The following MFHAS1 variants were observed in gnomAD, a reference collection of about 807,000 sequenced individuals.
MFHAS1 encodes multifunctional ROCO family signaling regulator 1.
MFHAS1 carries 50 observed loss-of-function variants against 70.4 expected under a neutral mutation model. That is an observed-to-expected ratio of 0.71 (90% CI 0.57 to 0.90). The LOEUF (loss-of-function observed/expected upper bound fraction) is 0.90, where lower values mean the gene tolerates loss of function less well. Among genes scored for constraint, MFHAS1 ranks in the 40% least tolerant of loss-of-function variants. MFHAS1 has a pLI of 0.00. For synonymous variants in MFHAS1, 952 were observed against 620.0 expected, an observed-to-expected ratio of 1.54 and a Z score of -7.96; for missense variants, 1,795 against 1,347.6, an observed-to-expected ratio of 1.33 and a Z score of -5.20.
chr8:8,845,560 G>A (rs1196694732), intron 1 of MFHAS1, among the ~76,000 whole-genome samples: 1 of 152,028 alleles, frequency 6.6e-6, no homozygotes. Context: ...CCTGCTGGGG[G>A]GCCCATGGCA....
intron 1 of MFHAS1, among the ~76,000 whole-genome samples, chr8:8,843,161 C>T (rs1386360884): frequency 2.6e-5 from 4 of 151,258 alleles, no homozygotes; most frequent in Non-Finnish European, 1.5e-5. Flanking sequence ...CCCAGCTACT[C>T]GGGAGGCTGA....
intron 1 of MFHAS1, among the ~76,000 whole-genome samples, chr8:8,865,276 CAAAAAAAAAA>C (rs35910015): frequency 7.7e-5 from 5 of 64,672 alleles, no homozygotes; most frequent in African/African-American, 1.2e-4. Flanking sequence ...GACTCCATCT[CAAAAAAAAAA>C]AAAAAAAAAA....
intron 2 of MFHAS1, among the ~76,000 whole-genome samples, chr8:8,795,964 T>A (rs373805388): frequency 2.0e-5 from 3 of 152,228 alleles, no homozygotes; most frequent in African/African-American, 7.2e-5. Flanking sequence ...GGAGAAATCA[T>A]GGTGCTGACA....
intron 1 of MFHAS1, among the ~76,000 whole-genome samples, chr8:8,809,408 C>T (rs1271555647): frequency 1.3e-5 from 2 of 151,926 alleles, no homozygotes; most frequent in Non-Finnish European, 2.9e-5. Context: ...TACAATGGCC[C>T]GACATGTAAG....
chr8:8,881,392 G>A (rs1396375162), intron 1 of MFHAS1, among the ~76,000 whole-genome samples: 7 of 152,158 alleles, frequency 4.6e-5, no homozygotes, highest in Non-Finnish European at 8.8e-5. Context: ...TCTGCATTAC[G>A]CCAGCCACCC....
chr8:8,838,428 T>A (rs943436054), intron 1 of MFHAS1, among the ~76,000 whole-genome samples: 1 of 152,234 alleles, frequency 6.6e-6, no homozygotes, highest in African/African-American at 2.4e-5. Flanking sequence ...TTTTACGCTA[T>A]CCTGCTGTGT....
At chr8:8,812,434 C>T (rs952253890) in intron 1 of MFHAS1, among the ~76,000 whole-genome samples, 6 of 152,248 alleles carry the variant, frequency 3.9e-5, no homozygotes, top group South Asian at 2.1e-4. Context: ...TCCTCTGGGT[C>T]GGCTATCTAG....
At chr8:8,840,668 C>A (rs963237688) in intron 1 of MFHAS1, among the ~76,000 whole-genome samples, 7 of 152,128 alleles carry the variant, frequency 4.6e-5, no homozygotes, top group Admixed American at 6.5e-5. Flanking sequence ...ATGATCACTT[C>A]TTCAACATTC....
intron 1 of MFHAS1, among the ~76,000 whole-genome samples, chr8:8,806,362 C>A (rs1806288960): frequency 6.6e-6 from 1 of 152,114 alleles, no homozygotes; most frequent in Non-Finnish European, 1.5e-5. Flanking sequence ...AACTGGGGGC[C>A]AGAATAAACA....
chr8:8,890,679 A>G lies in MFHAS1; in HGVS notation c.2380T>C (p.Leu794=), dbSNP rs937479354. 11 of 1,613,534 alleles carry G rather than the reference A, an allele frequency of 6.8e-6. No homozygotes were observed. Among genetic ancestry groups the G allele is most frequent in the Admixed American group, 1.7e-5 (1 of 59,996 alleles). The change falls in exon 1 of 3, where the codon TTG becomes CTG. Residue 794 remains leucine (L), a synonymous_variant. Coordinates refer to ENST00000276282, the MANE Select transcript of MFHAS1 (RefSeq NM_004225.3). ...ACATGAGCTGGCAAGAGCCCATGCA[A>G]CAGAAAGCCCTCCACATACTGATGG... ...QLHQYVEGFL[L]HGLLPAHVIR...
Position 8,890,551 on chromosome 8 carries a change from G to C in MFHAS1, c.2508C>G (p.Pro836=). The C allele has an allele frequency of 1.2e-6, 2 of 1,613,514 alleles. No individual in the cohort carries two copies. Among genetic ancestry groups the C allele is most frequent in the African/African-American group, 1.3e-5 (1 of 75,070 alleles). The change falls in exon 1 of 3, where the codon CCC becomes CCG. Residue 836 remains proline, a synonymous_variant. Coordinates refer to ENST00000276282, the MANE Select transcript of MFHAS1 (RefSeq NM_004225.3). The part of the protein sequence containing the change: ...KMGLCYCLNK[P]KGKPLNGSTA... ...TGGACCCATTCAAAGGCTTGCCCTT[G>C]GGTTTATTGAGGCAGTAACAGAGTC...
rs1045449353 is a variant in MFHAS1 at position 8,787,302 on chromosome 8, G to A, written c.3126-1247C>T. ...TCACCATGTTAGCCAGGATGATCTT[G>A]ATCTCCTGACCTCATGATCCGCCCA... is the stretch of plus-strand genomic sequence containing the variant. On this transcript the variant is annotated intron_variant, in intron 2 of 2. Coordinates refer to ENST00000276282, the MANE Select transcript of MFHAS1 (RefSeq NM_004225.3). Among the ~76,000 whole-genome samples, 7 of 152,084 alleles carry A rather than the reference G, an allele frequency of 4.6e-5. No individual in the cohort carries two copies. The East Asian group carries it at 5.8e-4, about 13-fold the overall frequency.
intron 1 of MFHAS1, among the ~76,000 whole-genome samples, chr8:8,815,691 T>G (rs557391798): frequency 1.3e-5 from 2 of 152,208 alleles, no homozygotes; most frequent in Non-Finnish European, 2.9e-5. Flanking sequence ...CTCAGCATAA[T>G]CAATTGTTGC....
In MFHAS1 at chr8:8,785,730, C is replaced by A; in HGVS notation, c.*292G>T. 2.6e-6 allele frequency: 1 copy of A among 381,684 alleles called. No individual in the cohort carries two copies. The highest frequency in any genetic ancestry group is 4.7e-6 in the Non-Finnish European group (1 of 213,672). The allele number at this position is 381,684 out of a possible 1,614,324, so 23.6% of individuals were successfully genotyped here. On this transcript the variant is annotated 3_prime_UTR_variant, in exon 3 of 3. Transcript: ENST00000276282. ...ACGGAAAACAAAATCCCTGAGAAGC[C>A]ATTCGACTTTTTTTTTTTTTTTTTC...
Position 8,807,620 on chromosome 8 carries a change from C to A in MFHAS1, c.2999-10129G>T, listed in dbSNP as rs192207318. 2.6e-5 allele frequency among the ~76,000 whole-genome samples: 4 copies of A among 152,250 alleles called. No individual in the cohort carries two copies. In the East Asian group the frequency reaches 7.7e-4, roughly 29 times the overall value. On this transcript the variant is annotated intron_variant, in intron 1 of 2. Transcript: ENST00000276282. The stretch of plus-strand genomic sequence containing the variant: ...GCAAAGGGAAAGTTTTCCCTGTACC[C>A]CCTACAATGAAAAGAAGGCATTCGC...
At chr8:8,837,541 G>A (rs1227610723) in intron 1 of MFHAS1, among the ~76,000 whole-genome samples, 1 of 152,000 alleles carries the variant, frequency 6.6e-6, no homozygotes, top group Non-Finnish European at 1.5e-5. Context: ...TACTCGAGAG[G>A]CTGAGGCACA....
chr8:8,814,335 T>C (rs1806657907), intron 1 of MFHAS1, among the ~76,000 whole-genome samples: 1 of 152,222 alleles, frequency 6.6e-6, no homozygotes. Context: ...CAATATTCAG[T>C]ACAGTCACAT....
chr8:8,833,273 G>T (rs1807475558), intron 1 of MFHAS1, among the ~76,000 whole-genome samples: 1 of 152,194 alleles, frequency 6.6e-6, no homozygotes, highest in Non-Finnish European at 1.5e-5. Flanking sequence ...TGGGGACATA[G>T]ATCCAAATCA....
chr8:8,856,589 A>G (rs1808448279), intron 1 of MFHAS1, among the ~76,000 whole-genome samples: 1 of 152,240 alleles, frequency 6.6e-6, no homozygotes, highest in Admixed American at 6.5e-5. Flanking sequence ...AAGACTCTAA[A>G]TTGGGAAATT....
Sources: gnomAD v4.1 joint callset for allele counts (sites outside exome capture counted in the v4.1 genomes callset) on GRCh38, gnomAD v4.1.1 for gene constraint, MANE v1.5 for transcripts, NCBI Gene and HGNC (gene_info 2026-07-23, HGNC 2026-07-21) for gene names.